EYS: variants seen among roughly 807,000 people sequenced by gnomAD.
The protein encoded by EYS is EGF-like photoreceptor maintenance factor.
EYS carries 250 observed loss-of-function variants against 282.1 expected under a neutral mutation model. The observed-to-expected ratio is 0.89, with a 90% CI of 0.80 to 0.98. EYS has a LOEUF of 0.98. Ranked by LOEUF, EYS falls within the 50% of genes least tolerant of loss-of-function variation. The pLI is 0.00. For missense variants in EYS, 4,016 were observed against 3,709.0 expected, an observed-to-expected ratio of 1.08 and a Z score of -2.15; for synonymous variants, 1,355 against 1,282.9, an observed-to-expected ratio of 1.06 and a Z score of -1.20.
At chr6:64,838,680 C>T (rs900466322) in intron 19 of EYS, among the ~76,000 whole-genome samples, 6 of 150,986 alleles carry the variant, frequency 4.0e-5, no homozygotes, top group Non-Finnish European at 7.4e-5. Flanking sequence ...TTTGATAATG[C>T]ATAACAAATT....
chr6:65,413,392 C>A (rs1767103722), intron 5 of EYS, among the ~76,000 whole-genome samples: 1 of 151,820 alleles, frequency 6.6e-6, no homozygotes, highest in Non-Finnish European at 1.5e-5. Flanking sequence ...TACATATAAT[C>A]AATTAATTAT....
intron 26 of EYS, among the ~76,000 whole-genome samples, chr6:64,547,606 G>A (rs1764921272): frequency 6.6e-6 from 1 of 152,196 alleles, no homozygotes; most frequent in South Asian, 2.1e-4. Flanking sequence ...CAATCCCTTA[G>A]CTAGACATAA....
chr6:64,852,583 C>T (rs1246935601), intron 19 of EYS, among the ~76,000 whole-genome samples: 1 of 152,064 alleles, frequency 6.6e-6, no homozygotes, highest in African/African-American at 2.4e-5. Context: ...TGAATGTAAA[C>T]TTATTTGAAA....
intron 12 of EYS, among the ~76,000 whole-genome samples, chr6:65,240,240 T>G (rs1767024633): frequency 6.6e-6 from 1 of 152,170 alleles, no homozygotes; most frequent in Admixed American, 6.5e-5. Flanking sequence ...AGTGCTGGGA[T>G]TACAGACATG....
At chr6:64,380,132 C>G (rs1352452442) in intron 29 of EYS, among the ~76,000 whole-genome samples, 1 of 151,434 alleles carries the variant, frequency 6.6e-6, no homozygotes, top group Admixed American at 6.6e-5. Context: ...TTATTCCAGG[C>G]AGAGTTACAG....
At chr6:63,786,005 G>A (rs1770350583) in intron 39 of EYS, 2 of 152,044 alleles carry the variant, frequency 1.3e-5, no homozygotes, top group Non-Finnish European at 2.9e-5. Context: ...CAAATGAATT[G>A]TTATTACAAT....
At chr6:65,427,325 A>G (rs1451015845) in intron 5 of EYS, among the ~76,000 whole-genome samples, 1 of 152,048 alleles carries the variant, frequency 6.6e-6, no homozygotes, top group Non-Finnish European at 1.5e-5. Flanking sequence ...AATTGAGATG[A>G]TGAAGAGTCT....
At chr6:65,015,870 TAAAAAA>T (rs776971479) in intron 13 of EYS, among the ~76,000 whole-genome samples, 5 of 52,012 alleles carry the variant, frequency 9.6e-5, no homozygotes, top group South Asian at 9.6e-4. Flanking sequence ...TCGTCTCTAC[TAAAAAA>T]AAAAAAAAAA....
At chr6:64,451,580 C>G (rs1432252784) in intron 26 of EYS, among the ~76,000 whole-genome samples, 2 of 152,146 alleles carry the variant, frequency 1.3e-5, no homozygotes, top group Non-Finnish European at 2.9e-5. Context: ...AGACCAATAT[C>G]CTTGACGAAC....
At chr6:65,168,995 TTGTTC>T in intron 12 of EYS, among the ~76,000 whole-genome samples, 1 of 151,474 alleles carries the variant, frequency 6.6e-6, no homozygotes, top group African/African-American at 2.4e-5. Flanking sequence ...ATCAAAACAA[TTGTTC>T]AGCATTTTTA....
At chr6:64,724,784 G>A (rs1291199810) in intron 22 of EYS, among the ~76,000 whole-genome samples, 1 of 152,060 alleles carries the variant, frequency 6.6e-6, no homozygotes, top group African/African-American at 2.4e-5. Context: ...AGTCAATAAT[G>A]ACTTCAAAAT....
intron 31 of EYS, among the ~76,000 whole-genome samples, chr6:64,115,677 C>T (rs145352982): frequency 4.5e-4 from 69 of 152,274 alleles, no homozygotes; most frequent in African/African-American, 1.6e-3. Context: ...CTCACATCCA[C>T]CCATAGGCAA....
intron 29 of EYS, among the ~76,000 whole-genome samples, chr6:64,317,620 G>A (rs982883309): frequency 6.6e-6 from 1 of 152,078 alleles, no homozygotes; most frequent in Non-Finnish European, 1.5e-5. Flanking sequence ...AGACAGTGTG[G>A]CAATTCCTCA....
At position 64,131,034 on chromosome 6, in the gene EYS, A is replaced by C. The variant is rs577348102; in HGVS notation, c.6425-49032T>G. 4.6e-5 allele frequency among the ~76,000 whole-genome samples: 7 copies of C among 152,006 alleles called. No individual in the cohort carries two copies. In the South Asian group the frequency reaches 6.3e-4, roughly 14 times the overall value. On this transcript the variant is annotated intron_variant, in intron 31 of 42. Coordinates refer to ENST00000503581, the MANE Select transcript of EYS (RefSeq NM_001142800.2). The stretch of plus-strand genomic sequence containing the variant: ...AGGCGTGTGCCACCATGCCCGGCTA[A>C]TTTTTGTATTTTTAGTAGAGACAGA...
chr6:65,513,605 C>T (rs201577021), intron 2 of EYS, among the ~76,000 whole-genome samples: 36 of 148,860 alleles, frequency 2.4e-4, no homozygotes, highest in African/African-American at 3.7e-4. Context: ...ATTAAGTGGG[C>T]TTCATCCCTG....
chr6:64,194,165 C>T (rs1359882143), intron 31 of EYS, among the ~76,000 whole-genome samples: 2 of 152,096 alleles, frequency 1.3e-5, no homozygotes, highest in Non-Finnish European at 2.9e-5. Context: ...GCCACCACGC[C>T]AGGCCATTAC....
chr6:65,626,404 T>G (rs910513287), intron 2 of EYS, among the ~76,000 whole-genome samples: 2 of 152,178 alleles, frequency 1.3e-5, no homozygotes, highest in East Asian at 3.9e-4. Context: ...TATATGCATT[T>G]AGTAATCTCA....
chr6:64,921,787 G>C (rs923469984), intron 15 of EYS, among the ~76,000 whole-genome samples: 2 of 152,100 alleles, frequency 1.3e-5, no homozygotes, highest in Non-Finnish European at 2.9e-5. Flanking sequence ...CAATAAAACA[G>C]TTATCAATAA....
intron 29 of EYS, among the ~76,000 whole-genome samples, chr6:64,346,867 A>G (rs367942493): frequency 6.6e-6 from 1 of 151,356 alleles, no homozygotes; most frequent in Non-Finnish European, 1.5e-5. Context: ...TAATGAAAAA[A>G]CCTACACTTC....
Sources: gnomAD v4.1 joint callset for allele counts (sites outside exome capture counted in the v4.1 genomes callset) on GRCh38, gnomAD v4.1.1 for gene constraint, MANE v1.5 for transcripts, NCBI Gene and HGNC (gene_info 2026-07-23, HGNC 2026-07-21) for gene names.